Variants in AKAP13 observed in about 807,000 individuals in gnomAD.
AKAP13 encodes A-kinase anchor protein 13.
Under a neutral mutation model 264.5 loss-of-function variants are expected in AKAP13, and 80 were observed. The ratio of observed to expected loss-of-function variants is 0.30; its 90% confidence interval spans 0.25 to 0.36. The LOEUF is 0.36. AKAP13 is among the 10% of genes least tolerant of loss of function. The pLI is 1.00. For missense variants in AKAP13, 3,712 were observed against 3,435.2 expected (o/e 1.08, Z -2.01); for synonymous variants, 1,380 against 1,250.2 (o/e 1.10, Z -2.19).
intron 2 of AKAP13, among the ~76,000 whole-genome samples, chr15:85,496,342 C>T (rs1052125129): frequency 2.0e-5 from 3 of 152,138 alleles, no homozygotes; most frequent in Admixed American, 1.3e-4. Context: ...TTTTCAGCCT[C>T]CGTGAAGACT....
intron 17 of AKAP13, among the ~76,000 whole-genome samples, chr15:85,703,142 A>G (rs2086027698): frequency 6.6e-6 from 1 of 152,216 alleles, no homozygotes; most frequent in Admixed American, 6.5e-5. Context: ...AATGTGTGTG[A>G]TGGTTAGATT....
In AKAP13 at chr15:85,718,270, A is replaced by G. The variant is rs1482657453; in HGVS notation, c.6001+111A>G. 4 of 1,322,456 alleles carry G rather than the reference A, an allele frequency of 3.0e-6. No individual in the cohort carries two copies. The highest frequency in any genetic ancestry group is 2.8e-5 in the South Asian group (2 of 70,812). The allele number at this position is 1,322,456 out of a possible 1,614,324, so 81.9% of individuals were successfully genotyped here. ...AGTTTTTTAGTATGTGGCTTCTTGAAAAGATTTCCTTTAAAAACTTTAAGG... is the reference window on the plus strand; with the variant it reads ...AGTTTTTTAGTATGTGGCTTCTTGAGAAGATTTCCTTTAAAAACTTTAAGG... On this transcript the variant is annotated intron_variant, in intron 22 of 36. Transcript: ENST00000394518. The surrounding 1 kb of genome is among the most constrained non-coding windows in gnomAD (Gnocchi z 4.9).
chr15:85,576,946 C>T (rs1051946247), intron 6 of AKAP13, among the ~76,000 whole-genome samples: 1 of 152,172 alleles, frequency 6.6e-6, no homozygotes, highest in Non-Finnish European at 1.5e-5. Flanking sequence ...TTTCTTTAGG[C>T]AACACTACTT....
intron 1 of AKAP13, among the ~76,000 whole-genome samples, chr15:85,463,033 A>AAAAG (rs1281132179): frequency 6.6e-6 from 1 of 150,544 alleles, no homozygotes; most frequent in Non-Finnish European, 1.5e-5. Flanking sequence ...CAAAAAAAAA[A>AAAAG]AAAAAAAAAA....
chr15:85,689,281 C>CT (rs2085127496), intron 16 of AKAP13, among the ~76,000 whole-genome samples: 2 of 152,104 alleles, frequency 1.3e-5, no homozygotes, highest in African/African-American at 4.8e-5. Flanking sequence ...GAAGTGCCTC[C>CT]TAGAGTAGTG....
At chr15:85,619,242 T>C in intron 8 of AKAP13, 1 of 381,286 alleles carries the variant, frequency 2.6e-6, no homozygotes, top group Non-Finnish European at 3.6e-6. Context: ...TTCCCACAAC[T>C]GCAATTGGGT....
intron 26 of AKAP13, among the ~76,000 whole-genome samples, chr15:85,723,583 A>G (rs551868145): frequency 4.4e-4 from 67 of 152,352 alleles, no homozygotes; most frequent in African/African-American, 1.5e-3. Flanking sequence ...AAAAAAACAA[A>G]GCAAAGCGTA....
At chr15:85,638,729 C>G (rs1196543859) in intron 8 of AKAP13, among the ~76,000 whole-genome samples, 1 of 150,364 alleles carries the variant, frequency 6.7e-6, no homozygotes, top group Non-Finnish European at 1.5e-5. Flanking sequence ...CAGCACCAGT[C>G]CTGCTGTTTA....
intron 2 of AKAP13, among the ~76,000 whole-genome samples, chr15:85,516,532 G>A (rs2076605924): frequency 6.6e-6 from 1 of 152,154 alleles, no homozygotes; most frequent in African/African-American, 2.4e-5. Context: ...AACCTGTGAT[G>A]GTTTGTACTT....
intron 30 of AKAP13, among the ~76,000 whole-genome samples, chr15:85,734,484 G>C (rs2088293856): frequency 6.6e-6 from 1 of 151,554 alleles, no homozygotes; most frequent in African/African-American, 2.4e-5. Context: ...TTTTTCTCCT[G>C]TTTAACTTTT....
intron 10 of AKAP13, among the ~76,000 whole-genome samples, chr15:85,652,969 A>G (rs2151512243): frequency 6.6e-6 from 1 of 152,274 alleles, no homozygotes; most frequent in East Asian, 1.9e-4. Flanking sequence ...CTCTTTCCAA[A>G]TAAGCTCACA....
chr15:85,743,106 C>T (rs1301247297), intron 35 of AKAP13, among the ~76,000 whole-genome samples: 2 of 152,190 alleles, frequency 1.3e-5, no homozygotes, highest in Admixed American at 1.3e-4. Flanking sequence ...TCTATAATCT[C>T]TTTGCCTTAA....
chr15:85,444,005 G>A (rs2073810678), intron 1 of AKAP13, among the ~76,000 whole-genome samples: 2 of 152,242 alleles, frequency 1.3e-5, no homozygotes, highest in South Asian at 4.2e-4. Flanking sequence ...GGAATTCAGG[G>A]CCTTTCCCCT....
At position 85,741,391 on chromosome 15, in the gene AKAP13, G is replaced by C. The variant is rs771895062; in HGVS notation, c.7954G>C (p.Glu2652Gln). Reference protein sequence around the residue: ...QKKGTYQYDLERLRAAQKQLE... With the variant: ...QKKGTYQYDLQRLRAAQKQLE... Reference sequence around the variant, plus strand: ...GAAGGGCACATACCAGTATGACCTGGAGCGACTGCGTGCTGCCCAGAAACA... The same window carrying C: ...GAAGGGCACATACCAGTATGACCTGCAGCGACTGCGTGCTGCCCAGAAACA... Residue 2652 changes from glutamate (E) to glutamine (Q), a missense_variant, in exon 35 of 37, where the codon GAG becomes CAG. Glu to Gln is a conservative substitution (Grantham distance 29). This residue lies in a region of AKAP13 where 611 missense variants were observed against 539.3 expected (regional missense o/e 1.13). Transcript: ENST00000394518. The C allele has an allele frequency of 4.5e-5, 72 of 1,613,862 alleles. No individual in the cohort carries two copies. Among genetic ancestry groups the C allele is most frequent in the Non-Finnish European group, 5.1e-6 (6 of 1,179,956 alleles).
intron 30 of AKAP13, among the ~76,000 whole-genome samples, chr15:85,732,560 ATATTCT>A (rs1277307541): frequency 1.3e-5 from 2 of 150,460 alleles, no homozygotes; most frequent in African/African-American, 4.9e-5. Flanking sequence ...ATTCACATTG[ATATTCT>A]TAAACTGTGG....
Position 85,578,911 on chromosome 15 carries a change from G to T in AKAP13, c.862-19G>T. ...CTCCTACAGGCAGTTTTTTAAAAGTGTATTTCATTTCCTCCTAGAAAACAA... is the reference window on the plus strand; with the variant it reads ...CTCCTACAGGCAGTTTTTTAAAAGTTTATTTCATTTCCTCCTAGAAAACAA... On this transcript the variant is annotated intron_variant, in intron 6 of 36. Transcript: ENST00000394518. 1 of 1,598,834 alleles carries T rather than the reference G, an allele frequency of 6.3e-7. No homozygotes were observed. The highest frequency in any genetic ancestry group is 8.5e-7 in the Non-Finnish European group (1 of 1,169,928).
At chr15:85,576,117 T>C (rs1255200277) in intron 6 of AKAP13, among the ~76,000 whole-genome samples, 2 of 152,220 alleles carry the variant, frequency 1.3e-5, no homozygotes. Context: ...GAGAGGTTTT[T>C]TTCATTGGTT....
chr15:85,470,744 C>G (rs1353172827), intron 1 of AKAP13, among the ~76,000 whole-genome samples: 1 of 152,132 alleles, frequency 6.6e-6, no homozygotes, highest in Non-Finnish European at 1.5e-5. Flanking sequence ...GACAGACATG[C>G]AGTTAGACAA....
At chr15:85,546,321 A>C (rs370422317) in intron 5 of AKAP13, among the ~76,000 whole-genome samples, 9 of 145,282 alleles carry the variant, frequency 6.2e-5, no homozygotes, top group South Asian at 2.2e-4. Context: ...GTTGTTACCA[A>C]ACACACACAC....
Sources: allele counts gnomAD v4.1 joint callset (sites outside exome capture counted in the v4.1 genomes callset), GRCh38; gene constraint gnomAD v4.1.1; regional missense constraint gnomAD v4.1.1; non-coding constraint Gnocchi (gnomAD v3.1); transcripts MANE v1.5; gene names NCBI Gene and HGNC (gene_info 2026-07-23, HGNC 2026-07-21).